EPHA5: variants seen among roughly 807,000 people sequenced by gnomAD.
EPHA5 encodes the protein ephrin type-A receptor 5.
In EPHA5, 60 loss-of-function variants were observed where a neutral mutation model predicts 105.0. The observed-to-expected ratio is 0.57, with a 90% confidence interval of 0.46 to 0.71. The LOEUF (loss-of-function observed/expected upper bound fraction) is 0.71, where lower values mean the gene tolerates loss of function less well. Among genes scored for constraint, EPHA5 ranks in the 30% least tolerant of loss-of-function variants. EPHA5 has a pLI of 0.00. For synonymous variants in EPHA5, 513 were observed against 449.1 expected (o/e 1.14, Z -1.80); for missense variants, 1,218 against 1,274.7 (o/e 0.96, Z 0.68).
intron 3 of EPHA5, among the ~76,000 whole-genome samples, chr4:65,579,801 A>G (rs958683620): frequency 5.9e-5 from 9 of 151,970 alleles, no homozygotes; most frequent in African/African-American, 2.2e-4. Flanking sequence ...CAAACCAGCA[A>G]TAATAGAACC....
chr4:65,638,832 C>T (rs186825313), intron 2 of EPHA5, among the ~76,000 whole-genome samples: 10 of 152,296 alleles, frequency 6.6e-5, no homozygotes, highest in Admixed American at 1.3e-4. Context: ...GGACCCTCCT[C>T]TTACCCAAGT....
chr4:65,433,090 T>C (rs1725130054), intron 5 of EPHA5, among the ~76,000 whole-genome samples: 2 of 152,182 alleles, frequency 1.3e-5, no homozygotes. Context: ...ACATACAGGT[T>C]ATTAAGTATG....
chr4:65,484,189 T>C (rs577152184), intron 5 of EPHA5, among the ~76,000 whole-genome samples: 3 of 152,150 alleles, frequency 2.0e-5, no homozygotes, highest in South Asian at 2.1e-4. Flanking sequence ...TGCCAACAAG[T>C]ATTTGCCGCT....
rs188409798 is a variant in EPHA5, at chr4:65,493,401, A to G, written c.1066+1987T>C. Among the ~76,000 whole-genome samples the G allele has an allele frequency of 2.6e-3, 401 of 152,120 alleles. 2 individuals are homozygous for G. Among genetic ancestry groups the G allele is most frequent in the African/African-American group, 8.9e-3 (368 of 41,548 alleles). The stretch of plus-strand genomic sequence containing the variant: ...AAAAACTTTGTATATTCTAGAAAAA[A>G]AATTTGAAGTTGGAGCTATAAATTC... On this transcript the variant is annotated intron_variant, in intron 4 of 16. Coordinates refer to ENST00000613740, the MANE Select transcript of EPHA5 (RefSeq NM_001281766.3).
intron 4 of EPHA5, among the ~76,000 whole-genome samples, chr4:65,494,704 A>G (rs966047435): frequency 3.3e-5 from 5 of 152,222 alleles, no homozygotes; most frequent in African/African-American, 1.2e-4. Context: ...AATATATTAA[A>G]TAATAGTTAA....
chr4:65,475,373 T>TA (rs1729694788), intron 5 of EPHA5, among the ~76,000 whole-genome samples: 1 of 152,172 alleles, frequency 6.6e-6, no homozygotes, highest in African/African-American at 2.4e-5. Flanking sequence ...ACATGCTGCA[T>TA]AAAAAATCCT....
chr4:65,506,868 A>G (rs1425948991), intron 3 of EPHA5, among the ~76,000 whole-genome samples: 1 of 151,854 alleles, frequency 6.6e-6, no homozygotes, highest in Non-Finnish European at 1.5e-5. Context: ...GTTTAATTAG[A>G]TCCCATTTGT....
intron 11 of EPHA5, among the ~76,000 whole-genome samples, chr4:65,355,514 T>C (rs1033589758): frequency 6.6e-6 from 1 of 151,624 alleles, no homozygotes; most frequent in African/African-American, 2.4e-5. Flanking sequence ...GCTCTTTTCG[T>C]CCCATTCTCA....
Position 65,465,261 on chromosome 4 carries a change from C to T in EPHA5, c.1402+25116G>A, listed in dbSNP as rs940316865. Reference sequence around the variant, plus strand: ...GACCAGCCTGGTCAAATAGTGAAACCCCGTCTCTACTAACAATACAAAAAA... The same window carrying T: ...GACCAGCCTGGTCAAATAGTGAAACTCCGTCTCTACTAACAATACAAAAAA... On this transcript the variant is annotated intron_variant, in intron 5 of 16. Transcript: ENST00000613740. 9.1e-4 allele frequency among the ~76,000 whole-genome samples: 138 copies of T among 151,770 alleles called. 1 individual carries two copies. The highest frequency in any genetic ancestry group is 3.1e-3 in the African/African-American group (130 of 41,378).
intron 11 of EPHA5, among the ~76,000 whole-genome samples, chr4:65,361,339 G>A (rs1374545570): frequency 6.6e-6 from 1 of 151,522 alleles, no homozygotes; most frequent in East Asian, 1.9e-4. Context: ...ATCTCAAGGG[G>A]GCAGGGCAAG....
chr4:65,428,139 G>A (rs952511859), intron 5 of EPHA5, among the ~76,000 whole-genome samples: 1 of 151,878 alleles, frequency 6.6e-6, no homozygotes. Context: ...GTACATATTA[G>A]CATTTGAATG....
chr4:65,608,965 A>G (rs562503022), intron 2 of EPHA5, among the ~76,000 whole-genome samples: 1 of 152,318 alleles, frequency 6.6e-6, no homozygotes, highest in East Asian at 1.9e-4. Flanking sequence ...TCATTACCTA[A>G]TGAACTAGGT....
intron 3 of EPHA5, among the ~76,000 whole-genome samples, chr4:65,506,979 C>G (rs1384883144): frequency 6.6e-6 from 1 of 152,074 alleles, no homozygotes; most frequent in Non-Finnish European, 1.5e-5. Flanking sequence ...AGGTTTTCTT[C>G]TAGGGTTTCT....
At chr4:65,669,089 C>T (rs926136003) in intron 1 of EPHA5, among the ~76,000 whole-genome samples, 1 of 152,100 alleles carries the variant, frequency 6.6e-6, no homozygotes, top group Non-Finnish European at 1.5e-5. Flanking sequence ...CAGCCACCCC[C>T]ACAACGTTTC....
At chr4:65,435,712 G>A (rs1406314517) in intron 5 of EPHA5, among the ~76,000 whole-genome samples, 1 of 151,948 alleles carries the variant, frequency 6.6e-6, no homozygotes, top group Non-Finnish European at 1.5e-5. Flanking sequence ...TAGCATTAGG[G>A]GTAAAGAGCT....
At chr4:65,626,542 G>A (rs1386504748) in intron 2 of EPHA5, among the ~76,000 whole-genome samples, 3 of 152,084 alleles carry the variant, frequency 2.0e-5, no homozygotes, top group Non-Finnish European at 4.4e-5. Flanking sequence ...TGCAGAACTT[G>A]GATAAATATT....
intron 15 of EPHA5, among the ~76,000 whole-genome samples, chr4:65,332,441 G>T (rs1387814357): frequency 6.6e-6 from 1 of 151,478 alleles, no homozygotes; most frequent in Admixed American, 6.6e-5. Flanking sequence ...GAATTTTTAG[G>T]ACAATAAAAC....
chr4:65,401,947 G>A (rs73220318), intron 8 of EPHA5, among the ~76,000 whole-genome samples: 25,372 of 151,738 alleles, frequency 0.17, 2,197 homozygotes, highest in Admixed American at 0.2. Context: ...GAGAGAGATA[G>A]AGATGGTTAG....
intron 1 of EPHA5, among the ~76,000 whole-genome samples, chr4:65,651,293 C>T (rs2149528948): frequency 6.6e-6 from 1 of 152,258 alleles, no homozygotes; most frequent in East Asian, 1.9e-4. Flanking sequence ...TGAAACTTGC[C>T]TCTCTCAGGA....
Sources: allele counts gnomAD v4.1 joint callset (sites outside exome capture counted in the v4.1 genomes callset), GRCh38; gene constraint gnomAD v4.1.1; transcripts MANE v1.5; gene names NCBI Gene and HGNC (gene_info 2026-07-23, HGNC 2026-07-21).